The following MESD variants were observed in gnomAD, a reference collection of about 807,000 sequenced individuals.
MESD encodes the protein mesoderm development LRP chaperone.
A neutral mutation model predicts 12.9 loss-of-function variants in MESD; 7 were observed. The observed-to-expected ratio is 0.54, with a 90% CI of 0.31 to 1.02. The LOEUF (loss-of-function observed/expected upper bound fraction) is 1.02, where lower values mean the gene tolerates loss of function less well. Ranked by LOEUF, MESD falls within the 50% of genes least tolerant of loss-of-function variation. The probability of loss-of-function intolerance (pLI) is 0.05; values close to 1 mark genes in which losing one functional copy is unlikely to be tolerated. For missense variants in MESD, 342 were observed against 296.7 expected (o/e 1.15, Z -1.12); for synonymous variants, 126 against 115.6 (o/e 1.09, Z -0.58).
downstream of MESD, chr15:80,946,631 T>C: frequency 2.9e-6 from 1 of 341,688 alleles, no homozygotes; most frequent in South Asian, 2.9e-5. Context: ...GAAGTCCTAC[T>C]GTGTGCCGAG....
At chr15:80,965,076 C>T (rs1902151041) in intron 3 of MESD, among the ~76,000 whole-genome samples, 1 of 152,132 alleles carries the variant, frequency 6.6e-6, no homozygotes, top group African/African-American at 2.4e-5. Flanking sequence ...GGCTAATATC[C>T]AGAATCTACA....
chr15:80,966,909 C>T (rs974686206), intron 3 of MESD, among the ~76,000 whole-genome samples: 11 of 152,172 alleles, frequency 7.2e-5, no homozygotes, highest in African/African-American at 2.7e-4. Flanking sequence ...TGGGCAGTTC[C>T]GCTGGTTAAA....
chr15:80,971,309 C>T (rs1334750736), downstream of MESD, among the ~76,000 whole-genome samples: 1 of 152,200 alleles, frequency 6.6e-6, no homozygotes, highest in Non-Finnish European at 1.5e-5. Flanking sequence ...GGGTTAATTT[C>T]TATTTTCAGT....
intron 2 of MESD, among the ~76,000 whole-genome samples, chr15:80,979,748 T>C (rs1902523915): frequency 6.6e-6 from 1 of 152,180 alleles, no homozygotes; most frequent in East Asian, 1.9e-4. Context: ...AAGTGAACAT[T>C]TGGAAAACCT....
At position 80,984,477 on chromosome 15, in the gene MESD, TGA is replaced by T. The variant is rs143654851; in HGVS notation, c.214-2297_214-2296del. ...TGATACATGAAAATATTATGCTAAG[TGA>T]AAGAAGCCAGATATGAAAGACTACA... On this transcript the variant is annotated intron_variant, in intron 1 of 2. Coordinates refer to ENST00000261758, the MANE Select transcript of MESD (RefSeq NM_015154.3). Among the ~76,000 whole-genome samples, 1,223 of 152,192 alleles carry T rather than the reference TGA, an allele frequency of 8.0e-3. 15 individuals are homozygous for T. Among genetic ancestry groups the T allele is most frequent in the African/African-American group, 0.028 (1,165 of 41,522 alleles).
At chr15:80,967,415 T>C (rs1316570706) in intron 3 of MESD, among the ~76,000 whole-genome samples, 1 of 152,164 alleles carries the variant, frequency 6.6e-6, no homozygotes, top group Non-Finnish European at 1.5e-5. Flanking sequence ...GGGACCTCCT[T>C]TGCATTAGAA....
At chr15:80,946,834 C>G (rs1901575802), downstream of MESD, 1 of 713,718 alleles carries the variant, frequency 1.4e-6, no homozygotes. Flanking sequence ...GCTGCCCTTT[C>G]CCGAATCCCT....
intron 1 of MESD, 133 bp downstream of exon 1, chr15:80,989,446 G>A: frequency 1.8e-6 from 2 of 1,092,348 alleles, no homozygotes; most frequent in South Asian, 1.5e-5. Flanking sequence ...GCTTCAGTGG[G>A]TCAGTAAGGA....
intron 1 of MESD, among the ~76,000 whole-genome samples, chr15:80,986,795 G>C (rs9806417): frequency 2.2e-4 from 33 of 152,152 alleles, no homozygotes; most frequent in African/African-American, 8.0e-4. Flanking sequence ...GTCTAAGTCA[G>C]TAGCTACAAA....
At chr15:80,969,871 A>T (rs1475069061) in intron 3 of MESD, among the ~76,000 whole-genome samples, 1 of 152,044 alleles carries the variant, frequency 6.6e-6, no homozygotes, top group African/African-American at 2.4e-5. Context: ...CAACAACAAA[A>T]AATCCTGGCT....
chr15:80,948,690 C>A (rs1008079737), exon 5 of MESD: 5 of 1,444,286 alleles, frequency 3.5e-6, no homozygotes, highest in Non-Finnish European at 2.9e-6. Context: ...TGTGGCTAGG[C>A]GGTACCTGGT....
rs777525821 is a variant in MESD, at chr15:80,979,398, C to A, written c.526G>T (p.Gly176Cys). 2 of 1,614,038 alleles carry A rather than the reference C, an allele frequency of 1.2e-6. No individual in the cohort carries two copies. Among genetic ancestry groups the A allele is most frequent in the African/African-American group, 2.7e-5 (2 of 74,900 alleles). The change falls in exon 3 of 3, where the codon GGT (glycine) becomes TGT (cysteine). Residue 176 changes from glycine (G) to cysteine (C), a missense_variant. By Grantham distance (159) the Gly-to-Cys change is radical. Transcript: ENST00000261758. ...YAWEIKDFLV[G>C]QDRCADVTLE... is the part of the protein sequence containing the mutation. Reference sequence around the variant, plus strand: ...GTTACATCAGCACACCTGTCTTGACCGACCAAAAAGTCCTTGATCTCCCAG... The same window carrying A: ...GTTACATCAGCACACCTGTCTTGACAGACCAAAAAGTCCTTGATCTCCCAG...
At chr15:80,967,981 T>A (rs1902207314) in intron 3 of MESD, among the ~76,000 whole-genome samples, 1 of 152,190 alleles carries the variant, frequency 6.6e-6, no homozygotes, top group Admixed American at 6.5e-5. Flanking sequence ...CTGGATCAAG[T>A]GGAAAGGGGT....
chr15:80,974,764 A>T (rs1273302454), downstream of MESD, among the ~76,000 whole-genome samples: 1 of 136,552 alleles, frequency 7.3e-6, no homozygotes, highest in Non-Finnish European at 1.6e-5. Flanking sequence ...AAAAAAAAAC[A>T]ACACTAAGAC....
exon 5 of MESD, chr15:80,948,255 G>A (rs137962365): frequency 1.0e-5 from 2 of 190,558 alleles, no homozygotes; most frequent in African/African-American, 4.6e-5. Context: ...CTGCAAGATG[G>A]AGAGTGCTGT....
At chr15:80,948,777 G>A in exon 5 of MESD, 1 of 1,614,008 alleles carries the variant, frequency 6.2e-7, no homozygotes, top group Non-Finnish European at 8.5e-7. Flanking sequence ...TTGCTCAGGA[G>A]ACTCATCATT....
chr15:80,981,878 T>C, intron 2 of MESD, 72 bp downstream of exon 2: 1 of 1,070,636 alleles, frequency 9.3e-7, no homozygotes, highest in Non-Finnish European at 1.4e-6. Context: ...ATCATCATCA[T>C]AATTAATAAT....
At position 80,988,809 on chromosome 15, in the gene MESD, T is replaced by C. The variant is rs765148118; in HGVS notation, c.213+770A>G. On this transcript the variant is annotated intron_variant, in intron 1 of 2. Coordinates refer to ENST00000261758, the MANE Select transcript of MESD (RefSeq NM_015154.3). Reference sequence around the variant, plus strand: ...TAACCTGCCCAAGGTTCCACAGCTATGCAAGTCAACCAGGACGATACAATC... The same window carrying C: ...TAACCTGCCCAAGGTTCCACAGCTACGCAAGTCAACCAGGACGATACAATC... 1.1e-4 allele frequency among the ~76,000 whole-genome samples: 17 copies of C among 152,124 alleles called. 1 individual carries two copies. Among genetic ancestry groups the C allele is most frequent in the Non-Finnish European group, 2.2e-4 (15 of 68,012 alleles).
chr15:80,980,145 CTCCCA>C (rs1233079660), intron 2 of MESD, among the ~76,000 whole-genome samples: 1 of 152,190 alleles, frequency 6.6e-6, no homozygotes, highest in Non-Finnish European at 1.5e-5. Context: ...GTTTCTAATG[CTCCCA>C]CCACTCCACA....
Sources: allele counts gnomAD v4.1 joint callset (sites outside exome capture counted in the v4.1 genomes callset), GRCh38; gene constraint gnomAD v4.1.1; transcripts MANE v1.5; gene names NCBI Gene and HGNC (gene_info 2026-07-23, HGNC 2026-07-21).